Variants in NAA16 observed in about 807,000 individuals in gnomAD.
NAA16 encodes the protein N-alpha-acetyltransferase 16, NatA auxiliary subunit.
Under a neutral mutation model 110.3 loss-of-function variants are expected in NAA16, and 97 were observed. The observed-to-expected ratio is 0.88, with a 90% CI of 0.75 to 1.04. NAA16 has a LOEUF of 1.04. NAA16 is among the 50% of genes least tolerant of loss of function. The probability of loss-of-function intolerance (pLI) is 0.00; values close to 1 mark genes in which losing one functional copy is unlikely to be tolerated. For missense variants in NAA16, 1,017 were observed against 1,005.1 expected (o/e 1.01, Z -0.16); for synonymous variants, 372 against 330.6 (o/e 1.13, Z -1.36).
At chr13:41,351,156 A>G (rs972193836) in intron 9 of NAA16, among the ~76,000 whole-genome samples, 7 of 152,204 alleles carry the variant, frequency 4.6e-5, no homozygotes, top group Admixed American at 6.5e-5. Context: ...GTATTTTCAT[A>G]AAGTTGGGGA....
At chr13:41,318,393 G>C (rs370031412) in intron 2 of NAA16, among the ~76,000 whole-genome samples, 17 of 152,014 alleles carry the variant, frequency 1.1e-4, no homozygotes, top group East Asian at 5.8e-4. Context: ...GTAGAGACGG[G>C]GTTTTGCTGT....
chr13:41,345,441 CTT>C (rs1190069069), intron 9 of NAA16, among the ~76,000 whole-genome samples: 1 of 152,060 alleles, frequency 6.6e-6, no homozygotes, highest in East Asian at 1.9e-4. Flanking sequence ...TTGGTATTAT[CTT>C]TTATGTGCTT....
At position 41,328,851 on chromosome 13, in the gene NAA16, A is replaced by C. The variant is rs773283247; in HGVS notation, c.811+8A>C. ...AAAAAGCTCTACAAATTAGTATGTA[A>C]TGATTTTTCTCCTCTTTCTCATAAC... On this transcript the variant is annotated splice_region_variant and intron_variant, in intron 7 of 19. Coordinates refer to ENST00000379406, the MANE Select transcript of NAA16 (RefSeq NM_024561.5). 1.3e-6 allele frequency: 2 copies of C among 1,589,000 alleles called. No individual in the cohort carries two copies. The highest frequency in any genetic ancestry group is 1.7e-6 in the Non-Finnish European group (2 of 1,160,588).
chr13:41,323,566 A>G lies in NAA16; in HGVS notation c.537+376A>G, dbSNP rs113579972. 3.4e-3 allele frequency among the ~76,000 whole-genome samples: 521 copies of G among 151,472 alleles called. 2 individuals are homozygous for G. Among genetic ancestry groups the G allele is most frequent in the Middle Eastern group, 0.027 (8 of 294 alleles). ...ACAGGGTTTCACCGTGTTAGCCAGG[A>G]TGGTCTCGATCTTCCGACCTCGTGA... On this transcript the variant is annotated intron_variant, in intron 5 of 19. Coordinates refer to ENST00000379406, the MANE Select transcript of NAA16 (RefSeq NM_024561.5).
At position 41,311,685 on chromosome 13, in the gene NAA16, G is replaced by A. The variant is rs1012153796; in HGVS notation, c.54+103G>A. 8.8e-6 allele frequency: 9 copies of A among 1,024,078 alleles called. No individual in the cohort carries two copies. In the East Asian group the frequency reaches 1.4e-4, roughly 16 times the overall value. The allele number at this position is 1,024,078 out of a possible 1,614,324, so 63.4% of individuals were successfully genotyped here. On this transcript the variant is annotated intron_variant, in intron 1 of 19. Coordinates refer to ENST00000379406, the MANE Select transcript of NAA16 (RefSeq NM_024561.5). Reference sequence around the variant, plus strand: ...CCGGCGCGGGCCAGGCTTGGCCTCCGCTGCCCACCGCTCTTTGTTTACCTC... The same window carrying A: ...CCGGCGCGGGCCAGGCTTGGCCTCCACTGCCCACCGCTCTTTGTTTACCTC...
intron 14 of NAA16, 73 bp from the exon 15 acceptor site, chr13:41,369,016 CA>C (rs2043263235): frequency 2.3e-6 from 3 of 1,277,434 alleles, no homozygotes; most frequent in Non-Finnish European, 3.2e-6. Context: ...ACCATACTAA[CA>C]GTATGTATTA....
chr13:41,323,794 A>G (rs1029502695), intron 5 of NAA16, among the ~76,000 whole-genome samples: 2 of 152,070 alleles, frequency 1.3e-5, no homozygotes, highest in Non-Finnish European at 2.9e-5. Flanking sequence ...TCCACGTTTC[A>G]ATGGAGAATA....
At chr13:41,350,602 T>TTG (rs1566280110) in intron 9 of NAA16, among the ~76,000 whole-genome samples, 3 of 19,372 alleles carry the variant, frequency 1.5e-4, no homozygotes, top group African/African-American at 1.0e-3. Context: ...TGCCAGTTTT[T>TTG]TTTTGTTTTT....
intron 1 of NAA16, 116 bp downstream of exon 1, chr13:41,311,698 C>A: frequency 2.1e-6 from 2 of 946,762 alleles, no homozygotes; most frequent in South Asian, 1.5e-5. Context: ...GCCCACCGCT[C>A]TTTGTTTACC....
At chr13:41,320,122 T>C (rs1186965744) in intron 3 of NAA16, among the ~76,000 whole-genome samples, 2 of 152,206 alleles carry the variant, frequency 1.3e-5, no homozygotes, top group South Asian at 2.1e-4. Context: ...CTCCAAGATA[T>C]GCTAATACTT....
intron 10 of NAA16, among the ~76,000 whole-genome samples, chr13:41,356,902 G>A (rs2043001842): frequency 6.6e-6 from 1 of 152,162 alleles, no homozygotes; most frequent in Non-Finnish European, 1.5e-5. Flanking sequence ...AAATACGGGT[G>A]GTGCTTTGTG....
At chr13:41,339,010 T>C (rs915887719) in intron 9 of NAA16, among the ~76,000 whole-genome samples, 1 of 152,244 alleles carries the variant, frequency 6.6e-6, no homozygotes, top group East Asian at 1.9e-4. Flanking sequence ...AGCTATTGTT[T>C]GTAAGTTTCC....
At chr13:41,375,258 G>T in intron 19 of NAA16, 147 bp from the exon 20 acceptor site, 1 of 563,106 alleles carries the variant, frequency 1.8e-6, no homozygotes, top group South Asian at 2.9e-5. Context: ...CTTTTTTGAG[G>T]TGATTGCTTA....
intron 1 of NAA16, among the ~76,000 whole-genome samples, chr13:41,312,012 G>A (rs2041611697): frequency 6.6e-6 from 1 of 152,186 alleles, no homozygotes; most frequent in South Asian, 2.1e-4. Flanking sequence ...TTTGCGTTTA[G>A]TTAGATTGCA....
Position 41,369,196 on chromosome 13 carries a change from A to G in NAA16, c.1860A>G (p.Gln620=). 1 of 1,600,698 alleles carries G rather than the reference A, an allele frequency of 6.2e-7. No homozygotes were observed. The highest frequency in any genetic ancestry group is 8.5e-7 in the Non-Finnish European group (1 of 1,174,272). The change falls in exon 15 of 20, where the codon CAA becomes CAG. Residue 620 remains glutamine (Q), a synonymous_variant. Coordinates refer to ENST00000379406, the MANE Select transcript of NAA16 (RefSeq NM_024561.5). ...EERKHAERER[Q]QKNQKKKRDE... ...GAAAGCATGCAGAAAGAGAACGTCA[A>G]CAGAAAAATCAAAAGAAAAAAAGAG...
At chr13:41,312,905 A>AT (rs552344275) in intron 1 of NAA16, among the ~76,000 whole-genome samples, 9 of 152,120 alleles carry the variant, frequency 5.9e-5, no homozygotes, top group Non-Finnish European at 1.3e-4. Flanking sequence ...TGGGCTTTGT[A>AT]TTTTTTTATT....
At chr13:41,316,305 ATTTTTT>A (rs993030515) in intron 1 of NAA16, among the ~76,000 whole-genome samples, 4 of 103,892 alleles carry the variant, frequency 3.9e-5, no homozygotes, top group African/African-American at 1.5e-4. Flanking sequence ...AATTTTTGTA[ATTTTTT>A]TTTTTTTTTT....
intron 15 of NAA16, among the ~76,000 whole-genome samples, chr13:41,369,649 C>T (rs746719206): frequency 6.6e-6 from 1 of 152,086 alleles, no homozygotes; most frequent in Non-Finnish European, 1.5e-5. Context: ...GTCCTAATAT[C>T]GTCAAAAGGG....
intron 13 of NAA16, among the ~76,000 whole-genome samples, chr13:41,363,752 C>T (rs1352541293): frequency 2.6e-5 from 4 of 152,098 alleles, no homozygotes; most frequent in Non-Finnish European, 5.9e-5. Flanking sequence ...TCATCACCCT[C>T]TGGTCATGTT....
Sources: gnomAD v4.1 joint callset for allele counts (sites outside exome capture counted in the v4.1 genomes callset) on GRCh38, gnomAD v4.1.1 for gene constraint, MANE v1.5 for transcripts, NCBI Gene and HGNC (gene_info 2026-07-23, HGNC 2026-07-21) for gene names.